The following SLC14A2 variants were observed in gnomAD, a reference collection of about 807,000 sequenced individuals.
SLC14A2 encodes the protein urea transporter 2.
In SLC14A2, 91 loss-of-function variants were observed where a neutral mutation model predicts 104.6. The ratio of observed to expected loss-of-function variants is 0.87; its 90% CI spans 0.73 to 1.04. SLC14A2 has a LOEUF of 1.04. Among genes scored for constraint, SLC14A2 ranks in the 50% least tolerant of loss-of-function variants. SLC14A2 has a pLI of 0.00. For missense variants in SLC14A2, 1,189 were observed against 1,156.0 expected, an observed-to-expected ratio of 1.03 and a Z score of -0.41; for synonymous variants, 476 against 466.4, an observed-to-expected ratio of 1.02 and a Z score of -0.27.
chr18:45,188,130 A>T, the SLC14A2 span, among the ~76,000 whole-genome samples: 1 of 152,172 alleles, frequency 6.6e-6, no homozygotes, highest in East Asian at 1.9e-4. Context: ...GGGCCCTTAT[A>T]AATCAGACAT....
chr18:45,597,525 T>C (rs2044731813), intron 2 of SLC14A2, among the ~76,000 whole-genome samples: 2 of 152,076 alleles, frequency 1.3e-5, no homozygotes, highest in Non-Finnish European at 2.9e-5. Context: ...AAACGGTAAC[T>C]AAAAGGGTTG....
At chr18:45,317,932 G>T (rs1300994571) in intron 1 of SLC14A2, among the ~76,000 whole-genome samples, 4 of 152,102 alleles carry the variant, frequency 2.6e-5, no homozygotes, top group Non-Finnish European at 5.9e-5. Flanking sequence ...TGCTTCATGA[G>T]CCCCACCTCA....
In SLC14A2 at chr18:45,270,147, C is replaced by G. The variant is rs546205616; in HGVS notation, c.-125+56956C>G. On this transcript the variant is annotated intron_variant, in intron 1 of 20. Coordinates refer to the SLC14A2 transcript ENST00000586448. ...GGACAACGTCAAAGCCTAAACCATA[C>G]ACTCTTCCCAGTGTCCACAGCAGAG... Among the ~76,000 whole-genome samples, 41 of 152,238 alleles carry G rather than the reference C, an allele frequency of 2.7e-4. 2 individuals are homozygous for G. In the South Asian group the frequency reaches 7.3e-3, roughly 27 times the overall value.
At chr18:45,246,203 G>A (rs1019991219) in intron 1 of SLC14A2, among the ~76,000 whole-genome samples, 1 of 152,120 alleles carries the variant, frequency 6.6e-6, no homozygotes, top group Non-Finnish European at 1.5e-5. Context: ...GAAAGGCCAC[G>A]TGAGAACACA....
intron 1 of SLC14A2, among the ~76,000 whole-genome samples, chr18:45,284,922 T>C (rs1568135042): frequency 1.3e-5 from 2 of 152,172 alleles, no homozygotes; most frequent in Non-Finnish European, 2.9e-5. Context: ...TATGGTGATT[T>C]GCATGGCCTG....
intron 1 of SLC14A2, among the ~76,000 whole-genome samples, chr18:45,405,066 T>C (rs2086138673): frequency 6.6e-6 from 1 of 152,140 alleles, no homozygotes; most frequent in Non-Finnish European, 1.5e-5. Context: ...ATGTCCCTAC[T>C]AGTTGTGGCA....
chr18:45,563,033 GA>G (rs1170542199), intron 2 of SLC14A2, among the ~76,000 whole-genome samples: 1 of 152,152 alleles, frequency 6.6e-6, no homozygotes, highest in Non-Finnish European at 1.5e-5. Flanking sequence ...CTTTGAAAAT[GA>G]AAACATTAAA....
chr18:45,171,588 T>C, the SLC14A2 span, among the ~76,000 whole-genome samples: 8 of 152,098 alleles, frequency 5.3e-5, no homozygotes, highest in Non-Finnish European at 1.2e-4. Context: ...GGACTATTAA[T>C]GTGGAAGAAA....
At chr18:45,363,626 GT>G (rs1283756950) in intron 1 of SLC14A2, among the ~76,000 whole-genome samples, 1 of 152,228 alleles carries the variant, frequency 6.6e-6, no homozygotes, top group Non-Finnish European at 1.5e-5. Flanking sequence ...GGGCAGGAAA[GT>G]TTGCTGAATA....
At chr18:45,230,873 G>A (rs1304643936) in intron 1 of SLC14A2, among the ~76,000 whole-genome samples, 1 of 152,136 alleles carries the variant, frequency 6.6e-6, no homozygotes. Flanking sequence ...AGTATTATTT[G>A]TACAAATTAT....
chr18:45,352,685 T>C (rs907105826), intron 1 of SLC14A2, among the ~76,000 whole-genome samples: 4 of 151,532 alleles, frequency 2.6e-5, no homozygotes. Flanking sequence ...AAAGAAGTGG[T>C]AAGAACAGGT....
intron 1 of SLC14A2, among the ~76,000 whole-genome samples, chr18:45,466,813 G>T (rs2087151918): frequency 6.6e-6 from 1 of 152,004 alleles, no homozygotes; most frequent in African/African-American, 2.4e-5. Context: ...CCCTGTGAAT[G>T]AATAAATTAC....
At chr18:45,219,652 T>C (rs190738484) in intron 1 of SLC14A2, among the ~76,000 whole-genome samples, 5 of 152,352 alleles carry the variant, frequency 3.3e-5, no homozygotes, top group Admixed American at 1.3e-4. Flanking sequence ...ACCTGAAATA[T>C]CAGTTACAAA....
At chr18:45,347,008 T>TAAATAAATAAATAAAC (rs1423862466) in intron 1 of SLC14A2, among the ~76,000 whole-genome samples, 2 of 126,032 alleles carry the variant, frequency 1.6e-5, no homozygotes, top group African/African-American at 6.9e-5. Context: ...AATAAATAAA[T>TAAATAAATAAATAAAC]AAACAAACAA....
chr18:45,462,590 C>T (rs2087065611), intron 1 of SLC14A2, among the ~76,000 whole-genome samples: 1 of 152,260 alleles, frequency 6.6e-6, no homozygotes, highest in South Asian at 2.1e-4. Flanking sequence ...AAATGTATCC[C>T]TTTAAGTACA....
At chr18:45,670,381 C>T (rs2046110986) in intron 16 of SLC14A2, among the ~76,000 whole-genome samples, 1 of 152,140 alleles carries the variant, frequency 6.6e-6, no homozygotes, top group Admixed American at 6.5e-5. Context: ...GCCTATTAGC[C>T]AGCCACCTTA....
chr18:45,395,407 G>A (rs1272415344), intron 1 of SLC14A2, among the ~76,000 whole-genome samples: 2 of 152,138 alleles, frequency 1.3e-5, no homozygotes, highest in South Asian at 4.1e-4. Context: ...TGAGTAGAAT[G>A]GGAGTTGCTG....
Position 45,387,962 on chromosome 18 carries a change from G to A in SLC14A2, c.-124-95271G>A, listed in dbSNP as rs118142148. The stretch of plus-strand genomic sequence containing the variant: ...TGCAAAGAGGTCATTTTTGAGGTCA[G>A]GTTATGTGCAAAGGAGGTCATTATT... On this transcript the variant is annotated intron_variant, in intron 1 of 20. Transcript: ENST00000586448. Among the ~76,000 whole-genome samples the A allele has an allele frequency of 2.1e-3, 319 of 151,968 alleles. 2 individuals are homozygous for A. Among genetic ancestry groups the A allele is most frequent in the East Asian group, 2.3e-3 (12 of 5,168 alleles).
intron 2 of SLC14A2, among the ~76,000 whole-genome samples, chr18:45,595,641 T>G (rs1166717747): frequency 6.6e-6 from 1 of 152,176 alleles, no homozygotes; most frequent in African/African-American, 2.4e-5. Flanking sequence ...CTCCTTTCCA[T>G]GTGTGCCTGA....
Sources: allele counts gnomAD v4.1 joint callset (sites outside exome capture counted in the v4.1 genomes callset), GRCh38; gene constraint gnomAD v4.1.1; transcripts MANE v1.5; gene names NCBI Gene and HGNC (gene_info 2026-07-23, HGNC 2026-07-21).